The following PXN variants were observed in gnomAD, a reference collection of about 807,000 sequenced individuals.
The protein encoded by PXN is testicular tissue protein Li 134.
In PXN, 61 loss-of-function variants were observed where a neutral mutation model predicts 103.6. The ratio of observed to expected loss-of-function variants is 0.59; its 90% CI spans 0.48 to 0.73. The LOEUF is 0.73. Ranked by LOEUF, PXN falls within the 30% of genes least tolerant of loss-of-function variation. PXN has a pLI of 0.00. For synonymous variants in PXN, 562 were observed against 607.8 expected (o/e 0.92, Z 1.11); for missense variants, 1,274 against 1,460.3 (o/e 0.87, Z 2.08).
rs777313357 is a variant in PXN, at chr12:120,216,757, C to T, written c.1992+84G>A. 38 of 1,593,856 alleles carry T rather than the reference C, an allele frequency of 2.4e-5. No homozygotes were observed. Among genetic ancestry groups the T allele is most frequent in the African/African-American group, 2.7e-5 (2 of 74,496 alleles). ...CCACCCTCTCCCCAGATCTCCCCTCCGGCCAGCACTGGGGCCAGGGAAGAA... is the reference window on the plus strand; with the variant it reads ...CCACCCTCTCCCCAGATCTCCCCTCTGGCCAGCACTGGGGCCAGGGAAGAA... On this transcript the variant is annotated intron_variant, in intron 8 of 14. Coordinates refer to ENST00000637617, the MANE Select transcript of PXN (RefSeq NM_001385981.1). This position sits in a 1 kb window ranked among gnomAD's most constrained non-coding sequence, Gnocchi z 5.1.
chr12:120,223,619 G>A (rs1478353215), intron 3 of PXN, 99 bp downstream of exon 3: 1 of 891,182 alleles, frequency 1.1e-6, no homozygotes, highest in African/African-American at 1.7e-5. Flanking sequence ...AGGCCCAGTT[G>A]CTATGCCTGC....
intron 1 of PXN, chr12:120,226,727 G>A (rs1034535156): frequency 8.2e-6 from 9 of 1,098,802 alleles, no homozygotes; most frequent in East Asian, 1.5e-4. Context: ...TTCTGAGGTC[G>A]AGCCAGACCT....
In PXN at chr12:120,216,689, A is replaced by C; in HGVS notation, c.1993-108T>G. ...CCCTGGGCCTTCCCACTCTGCACCA[A>C]GAGTGGGGCCAGTCTTCCAAAGTCA... On this transcript the variant is annotated intron_variant, in intron 8 of 14. Transcript: ENST00000637617. The surrounding 1 kb of genome is among the most constrained non-coding windows in gnomAD (Gnocchi z 5.1). The C allele has an allele frequency of 6.3e-7, 1 of 1,590,608 alleles. No homozygotes were observed.
chr12:120,225,311 T>C lies in PXN; in HGVS notation c.14-934A>G, dbSNP rs994890382. On this transcript the variant is annotated intron_variant, in intron 1 of 14. Transcript: ENST00000637617. The surrounding 1 kb of genome is among the most constrained non-coding windows in gnomAD (Gnocchi z 4.4). ...CCTGGCCCTGGATGCCACACCCTCA[T>C]TCCTGCCCCGTTCACAACTTGCTTG... 1 of 154,934 alleles carries C rather than the reference T, an allele frequency of 6.5e-6. No individual in the cohort carries two copies. Among genetic ancestry groups the C allele is most frequent in the Admixed American group, 6.3e-5 (1 of 15,834 alleles). The allele number at this position is 154,934 out of a possible 1,614,324, so 9.6% of individuals were successfully genotyped here.
At chr12:120,257,963 C>T (rs1403994697) in intron 1 of PXN, among the ~76,000 whole-genome samples, 4 of 152,102 alleles carry the variant, frequency 2.6e-5, no homozygotes, top group African/African-American at 2.4e-5. Flanking sequence ...GAGGCCAAGG[C>T]GGGCGGATCA....
rs1885257465 is a variant in PXN at position 120,221,837 on chromosome 12, C to T, written c.696-79G>A. The T allele has an allele frequency of 1.4e-6, 2 of 1,477,510 alleles. No individual in the cohort carries two copies. Among genetic ancestry groups the T allele is most frequent in the Non-Finnish European group, 9.0e-7 (1 of 1,110,226 alleles). The allele number at this position is 1,477,510 out of a possible 1,614,324, so 91.5% of individuals were successfully genotyped here. A position where few individuals can be genotyped will look rare whatever the true frequency, so the allele number is the denominator to read the frequency against. ...CGGGGATCAGATCGACCTCTCACCT[C>T]GGACACTGGGGTCTCACCATCCCCA... On this transcript the variant is annotated intron_variant, in intron 5 of 14. Transcript: ENST00000637617. This position sits in a 1 kb window ranked among gnomAD's most constrained non-coding sequence, Gnocchi z 6.6.
At chr12:120,243,893 G>A (rs1245645163) in intron 1 of PXN, among the ~76,000 whole-genome samples, 2 of 152,164 alleles carry the variant, frequency 1.3e-5, no homozygotes, top group Non-Finnish European at 2.9e-5. Context: ...ATAGCACATT[G>A]TGGGTAGGGA....
chr12:120,213,767 C>T lies in PXN; in HGVS notation c.2979+75G>A. 1.3e-6 allele frequency: 2 copies of T among 1,537,232 alleles called. No individual in the cohort carries two copies. Among genetic ancestry groups the T allele is most frequent in the Non-Finnish European group, 1.8e-6 (2 of 1,135,884 alleles). On this transcript the variant is annotated intron_variant, in intron 14 of 14. Coordinates refer to ENST00000637617, the MANE Select transcript of PXN (RefSeq NM_001385981.1). The surrounding 1 kb of genome is among the most constrained non-coding windows in gnomAD (Gnocchi z 4.2). ...ATGAGGCCTCTGAGTTGGATCCAGA[C>T]AGCACAATGAGGAAGACCCCTCTCT... is the stretch of plus-strand genomic sequence containing the variant.
intron 1 of PXN, among the ~76,000 whole-genome samples, chr12:120,243,848 T>C (rs1376579428): frequency 1.3e-5 from 2 of 152,228 alleles, no homozygotes; most frequent in Admixed American, 1.3e-4. Flanking sequence ...TGGTAGGAAC[T>C]GTCTGCCTAA....
chr12:120,213,765 G>C lies in PXN; in HGVS notation c.2979+77C>G, dbSNP rs778384111. 31 of 1,534,744 alleles carry C rather than the reference G, an allele frequency of 2.0e-5. No individual in the cohort carries two copies. The highest frequency in any genetic ancestry group is 5.5e-5 in the African/African-American group (4 of 72,924). ...AAATGAGGCCTCTGAGTTGGATCCA[G>C]ACAGCACAATGAGGAAGACCCCTCT... On this transcript the variant is annotated intron_variant, in intron 14 of 14. Transcript: ENST00000637617. This position sits in a 1 kb window ranked among gnomAD's most constrained non-coding sequence, Gnocchi z 4.2.
chr12:120,231,396 G>A (rs544256822), intron 1 of PXN, among the ~76,000 whole-genome samples: 5 of 152,182 alleles, frequency 3.3e-5, no homozygotes, highest in Non-Finnish European at 7.3e-5. Flanking sequence ...TAATAGCCAT[G>A]CCTGGAGGTT....
chr12:120,230,910 G>T (rs1004192821), intron 1 of PXN, among the ~76,000 whole-genome samples: 2 of 152,154 alleles, frequency 1.3e-5, no homozygotes, highest in Non-Finnish European at 2.9e-5. Context: ...TGCCAATTTG[G>T]GTTCTTGTCA....
In PXN at chr12:120,224,364, C is replaced by T. The variant is rs377690617; in HGVS notation, c.27G>A (p.Ala9=). 120 of 1,613,810 alleles carry T rather than the reference C, an allele frequency of 7.4e-5. No homozygotes were observed. In the Middle Eastern group the frequency reaches 1.6e-3, roughly 22 times the overall value. Residue 9 remains alanine (A), a synonymous_variant, in exon 2 of 15, where the codon GCG becomes GCA. Coordinates refer to ENST00000637617, the MANE Select transcript of PXN (RefSeq NM_001385981.1). This position sits in a 1 kb window ranked among gnomAD's most constrained non-coding sequence, Gnocchi z 5.0. ...TGTGGGAGGTGGTAGACTCCAAGTC[C>T]GCCAGCAGGGCGTCTGCAAAGAGAA... MDDLDALL[A]DLESTTSHIS...
At position 120,219,376 on chromosome 12, in the gene PXN, A is replaced by C. The variant is rs1231367207; in HGVS notation, c.1547T>G (p.Met516Arg). ...SVTTEQLGAK[M>R]TERGSVARPT... ...CCTGGCCACACTTCCCCTCTCGGTC[A>C]TCTTTGCACCTAGCTGCTCCGTGGT... The change falls in exon 7 of 15, where the codon ATG becomes AGG. Residue 516 changes from methionine to arginine, a missense_variant. Coordinates refer to ENST00000637617, the MANE Select transcript of PXN (RefSeq NM_001385981.1). The surrounding 1 kb of genome is among the most constrained non-coding windows in gnomAD (Gnocchi z 6.5). 1 of 1,598,334 alleles carries C rather than the reference A, an allele frequency of 6.3e-7. No homozygotes were observed. The highest frequency in any genetic ancestry group is 8.5e-7 in the Non-Finnish European group (1 of 1,179,760).
chr12:120,217,210 CA>C lies in PXN; in HGVS notation c.1717-95del. ...CTCAGATGCCTCAGGAGAGGGAGCA[CA>C]AAAGAAAACCACCAAAGAACCAAGC... On this transcript the variant is annotated intron_variant, in intron 7 of 14. Coordinates refer to ENST00000637617, the MANE Select transcript of PXN (RefSeq NM_001385981.1). This position sits in a 1 kb window ranked among gnomAD's most constrained non-coding sequence, Gnocchi z 4.1. 9.4e-7 allele frequency: 1 copy of C among 1,060,080 alleles called. No homozygotes were observed. Among genetic ancestry groups the C allele is most frequent in the African/African-American group, 1.6e-5 (1 of 61,824 alleles). 65.7% of individuals were successfully genotyped at this position (1,060,080 alleles called of 1,614,324 possible). A position where few individuals can be genotyped will look rare whatever the true frequency, so the allele number is the denominator to read the frequency against.
Position 120,216,713 on chromosome 12 carries a change from C to T in PXN, c.1992+128G>A. ...AAGAGTGGGGCCAGTCTTCCAAAGT[C>T]ACAGGAGGCAAGAAACCCCCACCCT... is the stretch of plus-strand genomic sequence containing the variant. On this transcript the variant is annotated intron_variant, in intron 8 of 14. Coordinates refer to ENST00000637617, the MANE Select transcript of PXN (RefSeq NM_001385981.1). The surrounding 1 kb of genome is among the most constrained non-coding windows in gnomAD (Gnocchi z 5.1). 1.3e-6 allele frequency: 2 copies of T among 1,594,616 alleles called. No homozygotes were observed. Among genetic ancestry groups the T allele is most frequent in the Non-Finnish European group, 8.5e-7 (1 of 1,178,592 alleles).
intron 1 of PXN, among the ~76,000 whole-genome samples, chr12:120,262,288 CT>C (rs1893998000): frequency 6.6e-6 from 1 of 152,356 alleles, no homozygotes; most frequent in African/African-American, 2.4e-5. Context: ...GCTGTTCCCC[CT>C]GCTAGAGGAT....
At chr12:120,248,947 GC>G (rs1891684851) in intron 1 of PXN, among the ~76,000 whole-genome samples, 1 of 152,008 alleles carries the variant, frequency 6.6e-6, no homozygotes. Flanking sequence ...GACCAGCCTG[GC>G]CAACATGGTG....
Position 120,215,425 on chromosome 12 carries a change from G to A in PXN, c.2403+135C>T. The A allele has an allele frequency of 2.1e-6, 3 of 1,450,888 alleles. No individual in the cohort carries two copies. The highest frequency in any genetic ancestry group is 1.8e-6 in the Non-Finnish European group (2 of 1,103,454). The allele number at this position is 1,450,888 out of a possible 1,614,324, so 89.9% of individuals were successfully genotyped here. Reference sequence around the variant, plus strand: ...CTCCAGGGGCCAGGAGCCCTAAAGTGGGAGTGACGTCAGCAGGACTCCTGG... The same window carrying A: ...CTCCAGGGGCCAGGAGCCCTAAAGTAGGAGTGACGTCAGCAGGACTCCTGG... On this transcript the variant is annotated intron_variant, in intron 10 of 14. Coordinates refer to ENST00000637617, the MANE Select transcript of PXN (RefSeq NM_001385981.1). The surrounding 1 kb of genome is among the most constrained non-coding windows in gnomAD (Gnocchi z 4.9).
Sources: gnomAD v4.1 joint callset for allele counts (sites outside exome capture counted in the v4.1 genomes callset) on GRCh38, gnomAD v4.1.1 for gene constraint, Gnocchi (gnomAD v3.1) non-coding constraint, MANE v1.5 for transcripts, NCBI Gene and HGNC (gene_info 2026-07-23, HGNC 2026-07-21) for gene names.